The following PRELID2 variants were observed in gnomAD, a reference collection of about 807,000 sequenced individuals.
PRELID2 encodes PRELI domain containing 2.
A neutral mutation model predicts 28.4 loss-of-function variants in PRELID2; 25 were observed. The observed-to-expected ratio is 0.88, with a 90% CI of 0.64 to 1.23. The LOEUF is 1.23. Among genes scored for constraint, PRELID2 ranks in the 50% most tolerant of loss-of-function variants. PRELID2 has a pLI of 0.00. For synonymous variants in PRELID2, 76 were observed against 71.6 expected, an observed-to-expected ratio of 1.06 and a Z score of -0.31; for missense variants, 201 against 214.4, an observed-to-expected ratio of 0.94 and a Z score of 0.39.
chr5:145,337,073 T>A, the PRELID2 span, among the ~76,000 whole-genome samples: 6 of 151,458 alleles, frequency 4.0e-5, no homozygotes, highest in East Asian at 5.9e-4. Context: ...GTAACTAACC[T>A]GCACATTGTG....
chr5:145,487,876 G>C lies in PRELID2; in HGVS notation n.71-14561C>G, dbSNP rs1398249384. Among the ~76,000 whole-genome samples the C allele has an allele frequency of 4.0e-5, 6 of 151,104 alleles. No individual in the cohort carries two copies. In the East Asian group the frequency reaches 1.2e-3, roughly 29 times the overall value. Reference sequence around the variant, plus strand: ...CGCGTGGCTCATGCCTGTAATCCCAGGACTTTGGGAGGCTGAGGTGGGTGG... The same window carrying C: ...CGCGTGGCTCATGCCTGTAATCCCACGACTTTGGGAGGCTGAGGTGGGTGG... On this transcript the variant is annotated intron_variant and non_coding_transcript_variant, in intron 1 of 2. Transcript: ENST00000510259.
At chr5:145,435,224 T>C in the PRELID2 span, among the ~76,000 whole-genome samples, 2 of 152,088 alleles carry the variant, frequency 1.3e-5, no homozygotes, top group Admixed American at 1.3e-4. Flanking sequence ...ATAGAAAAAT[T>C]AGAGTAACTT....
intron 1 of PRELID2, among the ~76,000 whole-genome samples, chr5:145,716,123 T>C (rs1755836676): frequency 6.6e-6 from 1 of 152,182 alleles, no homozygotes; most frequent in Non-Finnish European, 1.5e-5. Flanking sequence ...AGACAACGAT[T>C]CTTCTTCCAA....
At chr5:145,576,812 G>A (rs961897688) in intron 1 of PRELID2, among the ~76,000 whole-genome samples, 11 of 152,088 alleles carry the variant, frequency 7.2e-5, no homozygotes, top group Non-Finnish European at 4.4e-5. Context: ...TGGAAGAATT[G>A]TAATGTTCTC....
chr5:145,292,366 A>T, the PRELID2 span, among the ~76,000 whole-genome samples: 1 of 152,036 alleles, frequency 6.6e-6, no homozygotes, highest in Non-Finnish European at 1.5e-5. Flanking sequence ...TTATTTTATG[A>T]CTTCATGAAA....
intron 1 of PRELID2, among the ~76,000 whole-genome samples, chr5:145,565,681 G>C (rs1257706252): frequency 6.6e-6 from 1 of 152,202 alleles, no homozygotes; most frequent in Non-Finnish European, 1.5e-5. Context: ...TCACTTAACT[G>C]AAAACTCCAG....
the PRELID2 span, among the ~76,000 whole-genome samples, chr5:145,276,350 A>G: frequency 2.6e-5 from 4 of 152,106 alleles, no homozygotes; most frequent in Non-Finnish European, 4.4e-5. Context: ...AGCAGTTTAA[A>G]ATTTCTCTTT....
chr5:145,619,718 G>A (rs1045391867), intron 1 of PRELID2, among the ~76,000 whole-genome samples: 28 of 152,120 alleles, frequency 1.8e-4, no homozygotes, highest in Non-Finnish European at 2.9e-4. Context: ...GCCCTGCCTC[G>A]CATCCACCAT....
the PRELID2 span, among the ~76,000 whole-genome samples, chr5:145,436,111 C>T: frequency 6.6e-6 from 1 of 152,006 alleles, no homozygotes. Flanking sequence ...CAAGTAAGCC[C>T]TATTGTCTGT....
At chr5:145,549,781 C>T (rs775691981) in intron 1 of PRELID2, among the ~76,000 whole-genome samples, 23 of 148,994 alleles carry the variant, frequency 1.5e-4, no homozygotes, top group African/African-American at 5.0e-4. Context: ...GGTGACAGAG[C>T]GAGATTCAGT....
chr5:145,247,182 A>T, the PRELID2 span, among the ~76,000 whole-genome samples: 1 of 152,254 alleles, frequency 6.6e-6, no homozygotes, highest in African/African-American at 2.4e-5. Flanking sequence ...ACAGCAAGAA[A>T]ACTTCACTTT....
the PRELID2 span, among the ~76,000 whole-genome samples, chr5:145,412,587 A>C: frequency 1.3e-5 from 2 of 152,252 alleles, no homozygotes; most frequent in South Asian, 4.2e-4. Flanking sequence ...GGAAGTTTCA[A>C]ACCTTCTCAC....
At chr5:145,548,722 C>T (rs1041573537) in intron 1 of PRELID2, among the ~76,000 whole-genome samples, 5 of 152,172 alleles carry the variant, frequency 3.3e-5, no homozygotes, top group African/African-American at 1.2e-4. Context: ...TGAGCTCTTG[C>T]TGCACCTTCA....
At chr5:145,743,308 G>A (rs1293646676) in intron 1 of PRELID2, among the ~76,000 whole-genome samples, 5 of 151,692 alleles carry the variant, frequency 3.3e-5, no homozygotes, top group East Asian at 1.9e-4. Flanking sequence ...CTACTCGGGA[G>A]GCTGAGGCAG....
chr5:145,531,646 C>CA (rs1428177093), intron 1 of PRELID2, among the ~76,000 whole-genome samples: 1 of 152,156 alleles, frequency 6.6e-6, no homozygotes, highest in African/African-American at 2.4e-5. Context: ...TGTGCATCGG[C>CA]AAGGCCATTT....
At chr5:145,338,215 C>T in the PRELID2 span, 1 of 152,124 alleles carries the variant, frequency 6.6e-6, no homozygotes, top group Non-Finnish European at 1.5e-5. Flanking sequence ...CATTAGACAC[C>T]ACTGTTGTGG....
intron 1 of PRELID2, among the ~76,000 whole-genome samples, chr5:145,667,918 C>T (rs1208474884): frequency 3.9e-5 from 6 of 152,016 alleles, no homozygotes; most frequent in Admixed American, 2.6e-4. Context: ...AAGCACAATT[C>T]TAGAAGTCAC....
chr5:145,825,253 A>AC (rs776283544), intron 1 of PRELID2, among the ~76,000 whole-genome samples: 1 of 143,878 alleles, frequency 7.0e-6, no homozygotes, highest in African/African-American at 2.5e-5. Flanking sequence ...AAAAAAAAAA[A>AC]AAAAAAACTT....
At chr5:145,229,969 C>T in the PRELID2 span, 52 of 743,296 alleles carry the variant, frequency 7.0e-5, no homozygotes, top group East Asian at 6.1e-4. Flanking sequence ...GATTATGAGC[C>T]GATTGATGAC....
Sources: allele counts gnomAD v4.1 joint callset (sites outside exome capture counted in the v4.1 genomes callset), GRCh38; gene constraint gnomAD v4.1.1; transcripts MANE v1.5; gene names NCBI Gene and HGNC (gene_info 2026-07-23, HGNC 2026-07-21).